KIAA1549L: variants seen among roughly 807,000 people sequenced by gnomAD.
The protein encoded by KIAA1549L is KIAA1549 like.
KIAA1549L carries 88 observed loss-of-function variants against 160.7 expected under a neutral mutation model. The ratio of observed to expected loss-of-function variants is 0.55; its 90% CI spans 0.46 to 0.65. The LOEUF is 0.65. Ranked by LOEUF, KIAA1549L falls within the 30% of genes least tolerant of loss-of-function variation. The pLI is 0.00. For missense variants in KIAA1549L, 2,258 were observed against 2,437.5 expected (o/e 0.93, Z 1.55); for synonymous variants, 950 against 976.7 (o/e 0.97, Z 0.51).
intron 17 of KIAA1549L, among the ~76,000 whole-genome samples, chr11:33,650,406 CT>C (rs1205708920): frequency 6.6e-6 from 1 of 152,176 alleles, no homozygotes; most frequent in Non-Finnish European, 1.5e-5. Context: ...AGAAAAGTAA[CT>C]TTATTTTTCT....
intron 16 of KIAA1549L, among the ~76,000 whole-genome samples, chr11:33,637,318 G>T (rs779142051): frequency 2.0e-5 from 3 of 152,146 alleles, no homozygotes; most frequent in African/African-American, 7.2e-5. Flanking sequence ...CCTAGGTTAC[G>T]GCCAGAGCCG....
chr11:33,404,323 G>A (rs971429250), intron 1 of KIAA1549L, among the ~76,000 whole-genome samples: 1 of 152,136 alleles, frequency 6.6e-6, no homozygotes, highest in African/African-American at 2.4e-5. Context: ...TTAGGAGTTT[G>A]AGACCAGCCC....
intron 4 of KIAA1549L, among the ~76,000 whole-genome samples, 188 bp from the exon 5 acceptor site, chr11:33,550,852 G>A (rs950499184): frequency 2.6e-5 from 4 of 152,108 alleles, no homozygotes; most frequent in African/African-American, 9.7e-5. Flanking sequence ...ATATTTTGTT[G>A]TTTTTGTGAT....
At chr11:33,526,613 A>G (rs556729342) in intron 1 of KIAA1549L, among the ~76,000 whole-genome samples, 1 of 152,176 alleles carries the variant, frequency 6.6e-6, no homozygotes, top group Non-Finnish European at 1.5e-5. Flanking sequence ...CTCCATCCCT[A>G]GGGGAATGGG....
rs913073155 is a variant in KIAA1549L, at chr11:33,673,425, A to C, written c.*5271A>C. ...TAAACACGCCCCCATCTCACACACA[A>C]ACTGAGAAAAGATTTGTATCAAACA... On this transcript the variant is annotated 3_prime_UTR_variant, in exon 21 of 21. Coordinates refer to ENST00000658780, the MANE Select transcript of KIAA1549L (RefSeq NM_012194.3). 6.6e-6 allele frequency: 1 copy of C among 152,116 alleles called. No individual in the cohort carries two copies. The highest frequency in any genetic ancestry group is 2.4e-5 in the African/African-American group (1 of 41,396). The allele number at this position is 152,116 out of a possible 1,614,324, so 9.4% of individuals were successfully genotyped here.
chr11:33,589,018 T>G (rs11032308), intron 11 of KIAA1549L, among the ~76,000 whole-genome samples: 3,437 of 152,320 alleles, frequency 0.023, 129 homozygotes, highest in African/African-American at 0.073. Context: ...TTAAATCCGC[T>G]GGAACCTTCC....
intron 12 of KIAA1549L, among the ~76,000 whole-genome samples, chr11:33,596,118 T>C (rs1245877503): frequency 6.6e-6 from 1 of 152,214 alleles, no homozygotes; most frequent in Non-Finnish European, 1.5e-5. Context: ...CCCAGCTCCA[T>C]GTCCTCAGAA....
At chr11:33,508,660 G>C (rs2615936) in intron 1 of KIAA1549L, among the ~76,000 whole-genome samples, 75,872 of 151,990 alleles carry the variant, frequency 0.5, 19,811 homozygotes, top group African/African-American at 0.66. Flanking sequence ...TCTCAGCCCC[G>C]TCTTCCTTGA....
chr11:33,530,211 G>A (rs529758357), intron 1 of KIAA1549L, among the ~76,000 whole-genome samples: 128 of 146,236 alleles, frequency 8.8e-4, no homozygotes, highest in African/African-American at 3.0e-3. Context: ...TGGCTAACAC[G>A]GTGAAACCCC....
chr11:33,583,282 G>A lies in KIAA1549L; in HGVS notation c.4403-56G>A. The stretch of plus-strand genomic sequence containing the variant: ...TGGGGTGGGGGGTTATGTCTGGGTT[G>A]CTTTCCTCTTCCCAGTGTTGCTTGT... On this transcript the variant is annotated intron_variant, in intron 10 of 20. Coordinates refer to ENST00000658780, the MANE Select transcript of KIAA1549L (RefSeq NM_012194.3). 4 of 1,514,412 alleles carry A rather than the reference G, an allele frequency of 2.6e-6. No homozygotes were observed. In the South Asian group the frequency reaches 3.7e-5, roughly 14 times the overall value. 93.8% of individuals were successfully genotyped at this position (1,514,412 alleles called of 1,614,324 possible). A position where few individuals can be genotyped will look rare whatever the true frequency, so the allele number is the denominator to read the frequency against.
rs181656140 is a variant in KIAA1549L, at chr11:33,456,321, T to C, written c.238+79432T>C. On this transcript the variant is annotated intron_variant, in intron 1 of 20. Transcript: ENST00000658780. Reference sequence around the variant, plus strand: ...GTGTGCCTTTAGCTGCCAAGGTAATTTATACCTGTGAGTTAATGGAAGTAT... The same window carrying C: ...GTGTGCCTTTAGCTGCCAAGGTAATCTATACCTGTGAGTTAATGGAAGTAT... Among the ~76,000 whole-genome samples the C allele has an allele frequency of 1.2e-3, 180 of 152,294 alleles. 1 individual carries two copies. Among genetic ancestry groups the C allele is most frequent in the African/African-American group, 4.3e-3 (179 of 41,548 alleles).
chr11:33,522,786 C>T (rs745502639), intron 1 of KIAA1549L, among the ~76,000 whole-genome samples: 1 of 152,020 alleles, frequency 6.6e-6, no homozygotes, highest in Non-Finnish European at 1.5e-5. Context: ...GTAGTCCTAG[C>T]TACCTGGGAG....
chr11:33,382,237 T>A (rs1425222329), intron 1 of KIAA1549L, among the ~76,000 whole-genome samples: 1 of 151,812 alleles, frequency 6.6e-6, no homozygotes, highest in Non-Finnish European at 1.5e-5. Context: ...AATGAGGCAG[T>A]AGGAAGAGAA....
intron 1 of KIAA1549L, among the ~76,000 whole-genome samples, chr11:33,527,364 A>G (rs1454409305): frequency 6.6e-6 from 1 of 152,224 alleles, no homozygotes; most frequent in Non-Finnish European, 1.5e-5. Flanking sequence ...TATTCAACAA[A>G]TGGTGCTGGG....
intron 17 of KIAA1549L, among the ~76,000 whole-genome samples, chr11:33,652,812 G>T (rs1851935885): frequency 6.6e-6 from 1 of 152,190 alleles, no homozygotes; most frequent in Non-Finnish European, 1.5e-5. Context: ...GTTCAGGGAG[G>T]TCCTCAGGGG....
rs151319153 is a variant in KIAA1549L at position 33,599,944 on chromosome 11, C to G, written c.4879+997C>G. ...CAAAGGAGTTTGCATAGTGCAGGGA[C>G]TCTTTCTTGAAGCTAGTGTTGGAAT... On this transcript the variant is annotated intron_variant, in intron 13 of 20. Coordinates refer to ENST00000658780, the MANE Select transcript of KIAA1549L (RefSeq NM_012194.3). Among the ~76,000 whole-genome samples the G allele has an allele frequency of 8.8e-3, 1,343 of 152,258 alleles. 10 individuals carry two copies. Among genetic ancestry groups the G allele is most frequent in the Non-Finnish European group, 0.011 (735 of 68,014 alleles).
In KIAA1549L at chr11:33,551,072, A is replaced by C. The variant is rs781718818; in HGVS notation, c.3534A>C (p.Thr1178=). Residue 1178 remains threonine (T), a synonymous_variant, in exon 5 of 21, where the codon ACA becomes ACC. Transcript: ENST00000658780. ...TTCTGGAATATTCTCATAATGTCAC[A>C]GTTGGTTATTATGCTACCAAAGGGA... ...VDILEYSHNV[T]VGYYATKGKL... 3.5e-5 allele frequency: 56 copies of C among 1,613,884 alleles called. No individual in the cohort carries two copies. The highest frequency in any genetic ancestry group is 4.3e-5 in the Non-Finnish European group (51 of 1,179,872).
intron 1 of KIAA1549L, among the ~76,000 whole-genome samples, chr11:33,425,455 T>G (rs751118793): frequency 1.3e-5 from 2 of 152,356 alleles, no homozygotes; most frequent in Middle Eastern, 3.4e-3. Flanking sequence ...TTTTATACTT[T>G]GTACTGTAGC....
chr11:33,639,183 A>G (rs927427955), intron 16 of KIAA1549L, among the ~76,000 whole-genome samples: 1 of 152,232 alleles, frequency 6.6e-6, no homozygotes, highest in African/African-American at 2.4e-5. Flanking sequence ...CAGCAGGGCT[A>G]CAATTTTCTT....
Sources: allele counts gnomAD v4.1 joint callset (sites outside exome capture counted in the v4.1 genomes callset), GRCh38; gene constraint gnomAD v4.1.1; transcripts MANE v1.5; gene names NCBI Gene and HGNC (gene_info 2026-07-23, HGNC 2026-07-21).